Variants in DCC observed in about 807,000 individuals in gnomAD.
The protein encoded by DCC is netrin receptor DCC.
DCC carries 58 observed loss-of-function variants against 172.5 expected under a neutral mutation model. The ratio of observed to expected loss-of-function variants is 0.34; its 90% CI spans 0.27 to 0.42. DCC has a LOEUF of 0.42. DCC is among the 10% of genes least tolerant of loss of function. DCC has a pLI of 1.00. For missense variants in DCC, 1,740 were observed against 1,791.0 expected, an observed-to-expected ratio of 0.97 and a Z score of 0.51; for synonymous variants, 709 against 644.5, an observed-to-expected ratio of 1.10 and a Z score of -1.52.
At chr18:52,887,591 G>T (rs987143447) in intron 2 of DCC, among the ~76,000 whole-genome samples, 4 of 152,054 alleles carry the variant, frequency 2.6e-5, no homozygotes, top group Non-Finnish European at 5.9e-5. Context: ...GTTTTAAAAA[G>T]TTGCTTACAA....
intron 2 of DCC, among the ~76,000 whole-genome samples, chr18:52,884,600 G>A (rs1169550273): frequency 4.0e-5 from 6 of 151,806 alleles, no homozygotes; most frequent in African/African-American, 7.3e-5. Flanking sequence ...ATTTCTTTGC[G>A]GTGTTATCTT....
chr18:52,735,607 A>G lies in DCC; in HGVS notation c.92-16447A>G, dbSNP rs1173259714. ...CTGAAGGTTCAAGAGGCTGTGGCAA[A>G]TCACTGGTATAAGTCCAAAAGTCCA... On this transcript the variant is annotated intron_variant, in intron 1 of 28. Transcript: ENST00000442544. 2.0e-5 allele frequency among the ~76,000 whole-genome samples: 3 copies of G among 146,802 alleles called. No individual in the cohort carries two copies. The East Asian group carries it at 6.3e-4, about 31-fold the overall frequency.
intron 1 of DCC, among the ~76,000 whole-genome samples, chr18:52,481,779 T>C (rs959693393): frequency 1.9e-4 from 29 of 152,104 alleles, no homozygotes; most frequent in African/African-American, 6.7e-4. Context: ...ATCAGCAAAA[T>C]GGGGATAATA....
At chr18:52,565,557 A>T (rs183113713) in intron 1 of DCC, among the ~76,000 whole-genome samples, 1 of 152,160 alleles carries the variant, frequency 6.6e-6, no homozygotes, top group African/African-American at 2.4e-5. Context: ...ATGGTATCTC[A>T]TTGTGGTTTT....
At chr18:52,814,209 A>G (rs2038248916) in intron 2 of DCC, among the ~76,000 whole-genome samples, 1 of 152,226 alleles carries the variant, frequency 6.6e-6, no homozygotes, top group Non-Finnish European at 1.5e-5. Context: ...TAGCCCTGTG[A>G]GTCAAGCACA....
intron 1 of DCC, among the ~76,000 whole-genome samples, chr18:52,540,765 C>T (rs553829510): frequency 6.6e-6 from 1 of 151,836 alleles, no homozygotes; most frequent in East Asian, 1.9e-4. Context: ...CGCCACCACG[C>T]CCAGCTAATT....
chr18:52,499,378 C>T (rs1145255), intron 1 of DCC, among the ~76,000 whole-genome samples: 148,245 of 152,270 alleles, frequency 0.97, 72,288 homozygotes, highest in Middle Eastern at 1. Flanking sequence ...AGCTTCTCTA[C>T]GGAGGGATGA....
chr18:53,203,662 C>A (rs564006925), intron 9 of DCC, among the ~76,000 whole-genome samples: 1 of 152,170 alleles, frequency 6.6e-6, no homozygotes, highest in African/African-American at 2.4e-5. Context: ...TCAACAGATT[C>A]ATGCCAGTCA....
intron 1 of DCC, among the ~76,000 whole-genome samples, chr18:52,532,690 G>C (rs952424675): frequency 2.0e-5 from 3 of 152,102 alleles, no homozygotes; most frequent in South Asian, 2.1e-4. Flanking sequence ...GGGTACAAGA[G>C]AGAAGAGAGC....
intron 2 of DCC, among the ~76,000 whole-genome samples, chr18:52,891,313 T>C (rs1026049266): frequency 6.6e-6 from 1 of 152,080 alleles, no homozygotes; most frequent in Non-Finnish European, 1.5e-5. Context: ...GTTTATAATT[T>C]GCTTCAGTAG....
At chr18:52,932,266 T>A (rs186407250) in intron 5 of DCC, among the ~76,000 whole-genome samples, 5 of 152,134 alleles carry the variant, frequency 3.3e-5, no homozygotes. Context: ...TGTGAACATA[T>A]CCTTTTCTGT....
intron 27 of DCC, among the ~76,000 whole-genome samples, chr18:53,510,807 C>G (rs2046242163): frequency 6.6e-6 from 1 of 152,128 alleles, no homozygotes; most frequent in Non-Finnish European, 1.5e-5. Context: ...CTTCTTCTAC[C>G]TCTTTCATCA....
intron 5 of DCC, among the ~76,000 whole-genome samples, chr18:52,998,405 G>A (rs2041516306): frequency 6.6e-6 from 1 of 152,044 alleles, no homozygotes; most frequent in South Asian, 2.1e-4. Flanking sequence ...CACTCAGAAT[G>A]CATCGCTCTA....
chr18:52,740,090 T>C (rs2036795690), intron 1 of DCC, among the ~76,000 whole-genome samples: 1 of 152,116 alleles, frequency 6.6e-6, no homozygotes, highest in South Asian at 2.1e-4. Flanking sequence ...CATGAATAGG[T>C]CCTTCATCCT....
intron 12 of DCC, among the ~76,000 whole-genome samples, chr18:53,233,604 C>T (rs1469124702): frequency 2.0e-5 from 3 of 152,112 alleles, no homozygotes; most frequent in African/African-American, 4.8e-5. Flanking sequence ...GATTTTCCTG[C>T]TTGACTTCCT....
intron 25 of DCC, among the ~76,000 whole-genome samples, chr18:53,472,177 A>G (rs1487883954): frequency 6.6e-6 from 1 of 152,174 alleles, no homozygotes; most frequent in Admixed American, 6.5e-5. Context: ...TGTTCAAGTC[A>G]TGTAGTAAGC....
chr18:53,088,252 A>G (rs1038472645), intron 7 of DCC, among the ~76,000 whole-genome samples: 2 of 152,162 alleles, frequency 1.3e-5, no homozygotes, highest in African/African-American at 4.8e-5. Context: ...ATGTTCTTCC[A>G]TTTGTTTGTA....
rs371178506 is a variant in DCC at position 53,520,224 on chromosome 18, C to T, written c.4112-6393C>T. Among the ~76,000 whole-genome samples the T allele has an allele frequency of 1.4e-4, 22 of 152,118 alleles. No homozygotes were observed. In the East Asian group the frequency reaches 2.3e-3, roughly 16 times the overall value. On this transcript the variant is annotated intron_variant, in intron 27 of 28. Transcript: ENST00000442544. ...ATCGGGGTTAGGACAAATAGTCACCCGACAGTAGCAGTGAGTCCATCAGCA... is the reference window on the plus strand; with the variant it reads ...ATCGGGGTTAGGACAAATAGTCACCTGACAGTAGCAGTGAGTCCATCAGCA...
intron 1 of DCC, among the ~76,000 whole-genome samples, chr18:52,417,986 T>G (rs1598802362): frequency 6.6e-6 from 1 of 152,304 alleles, no homozygotes; most frequent in East Asian, 1.9e-4. Flanking sequence ...CTGTCATTAA[T>G]TCTTCGCTTT....
Sources: allele counts gnomAD v4.1 joint callset (sites outside exome capture counted in the v4.1 genomes callset), GRCh38; gene constraint gnomAD v4.1.1; transcripts MANE v1.5; gene names NCBI Gene and HGNC (gene_info 2026-07-23, HGNC 2026-07-21).